The following SH3BP5 variants were observed in gnomAD, a reference collection of about 807,000 sequenced individuals.
The protein encoded by SH3BP5 is SH3 domain-binding protein 5.
Under a neutral mutation model 43.3 loss-of-function variants are expected in SH3BP5, and 22 were observed. That is an observed-to-expected ratio of 0.51 (90% CI 0.36 to 0.73). The LOEUF (loss-of-function observed/expected upper bound fraction) is 0.73. SH3BP5 is among the 30% of genes least tolerant of loss of function. SH3BP5 has a pLI of 0.00. For synonymous variants in SH3BP5, 255 were observed against 225.8 expected (o/e 1.13, Z -1.16); for missense variants, 529 against 586.9 (o/e 0.90, Z 1.02).
At position 15,254,825 on chromosome 3, in the gene SH3BP5, C is replaced by CTTAT. The variant is rs1321776153; in HGVS notation, c.*1257_*1260dup. 2.0e-5 allele frequency: 3 copies of CTTAT among 152,250 alleles called. No individual in the cohort carries two copies. Among genetic ancestry groups the CTTAT allele is most frequent in the Admixed American group, 2.0e-4 (3 of 15,296 alleles). The allele number at this position is 152,250 out of a possible 1,614,324, so 9.4% of individuals were successfully genotyped here. A position where few individuals can be genotyped will look rare whatever the true frequency, so the allele number is the denominator to read the frequency against. On this transcript the variant is annotated 3_prime_UTR_variant, in exon 9 of 9. Coordinates refer to ENST00000383791, the MANE Select transcript of SH3BP5 (RefSeq NM_004844.5). ...GAAGATTTAGGCAATACTGGGAGTT[C>CTTAT]TTATTTGAAGTCACAGAAAGGAGAA...
At chr3:15,321,811 C>T (rs1364066621) in intron 2 of SH3BP5, among the ~76,000 whole-genome samples, 3 of 112,026 alleles carry the variant, frequency 2.7e-5, no homozygotes, top group Non-Finnish European at 4.3e-5. Flanking sequence ...CATCAAATTG[C>T]CAAAAAAAAA....
chr3:15,258,409 A>T (rs1696303640), intron 7 of SH3BP5: 1 of 210,718 alleles, frequency 4.7e-6, no homozygotes, highest in African/African-American at 2.3e-5. Flanking sequence ...GATAGTATAC[A>T]GTAGATAGCG....
At chr3:15,337,798 C>CT (rs1339867962) in intron 1 of SH3BP5, among the ~76,000 whole-genome samples, 2 of 150,678 alleles carry the variant, frequency 1.3e-5, no homozygotes, top group East Asian at 3.9e-4. Flanking sequence ...ACCTATAGTC[C>CT]TAACTACCCA....
At chr3:15,321,410 T>C in intron 2 of SH3BP5, among the ~76,000 whole-genome samples, 1 of 152,184 alleles carries the variant, frequency 6.6e-6, no homozygotes, top group East Asian at 1.9e-4. Context: ...ACATCAGGTT[T>C]TATCTACAAT....
chr3:15,315,075 G>A (rs754257397), intron 2 of SH3BP5, among the ~76,000 whole-genome samples: 3 of 152,116 alleles, frequency 2.0e-5, no homozygotes, highest in Non-Finnish European at 2.9e-5. Context: ...GAGATGGCCC[G>A]GGTTCCTGAT....
At chr3:15,292,730 C>T (rs977958875) in intron 3 of SH3BP5, among the ~76,000 whole-genome samples, 20 of 152,120 alleles carry the variant, frequency 1.3e-4, no homozygotes, top group Admixed American at 3.3e-4. Context: ...TGCCTGTAAT[C>T]GCAGCTACTC....
chr3:15,257,846 T>C (rs778333962), intron 7 of SH3BP5, among the ~76,000 whole-genome samples: 4 of 152,162 alleles, frequency 2.6e-5, no homozygotes, highest in Non-Finnish European at 5.9e-5. Flanking sequence ...TTCCCCCCCT[T>C]TCTCTTTAAA....
At chr3:15,336,867 G>C (rs1421245923), upstream of SH3BP5, among the ~76,000 whole-genome samples, 1 of 151,994 alleles carries the variant, frequency 6.6e-6, no homozygotes, top group African/African-American at 2.4e-5. Context: ...ATCTAGCTTA[G>C]ATTCCATTGT....
rs558875582 is a variant in SH3BP5, at chr3:15,305,132, T to A, written c.202-901A>T. 1.3e-3 allele frequency among the ~76,000 whole-genome samples: 182 copies of A among 145,188 alleles called. 1 individual carries two copies. Among genetic ancestry groups the A allele is most frequent in the African/African-American group, 4.8e-3 (171 of 35,584 alleles). ...ACACTGTCTCAAAAAAAAAAAAAAT[T>A]AATTCATTATATTTAAAATTTTTTA... On this transcript the variant is annotated intron_variant, in intron 2 of 8. Coordinates refer to ENST00000383791, the MANE Select transcript of SH3BP5 (RefSeq NM_004844.5).
chr3:15,303,967 G>C, intron 3 of SH3BP5, 136 bp downstream of exon 3: 1 of 686,958 alleles, frequency 1.5e-6, no homozygotes, highest in Non-Finnish European at 2.5e-6. Context: ...GCAGATTGCG[G>C]GGCGGTGGGT....
At chr3:15,293,844 G>A (rs568399316) in intron 3 of SH3BP5, among the ~76,000 whole-genome samples, 10 of 152,140 alleles carry the variant, frequency 6.6e-5, no homozygotes, top group East Asian at 3.9e-4. Flanking sequence ...TTGGGAGGCC[G>A]AGGCAGGCGG....
At chr3:15,331,604 T>A (rs146070979) in intron 1 of SH3BP5, among the ~76,000 whole-genome samples, 349 of 152,302 alleles carry the variant, frequency 2.3e-3, no homozygotes, top group African/African-American at 7.5e-3. Context: ...CCTCGCCGCC[T>A]CCACGCGTCA....
upstream of SH3BP5, among the ~76,000 whole-genome samples, chr3:15,336,371 G>A (rs1698701022): frequency 6.6e-6 from 1 of 152,166 alleles, no homozygotes; most frequent in African/African-American, 2.4e-5. Context: ...TCATGGTAAG[G>A]AATTTGGATT....
intron 3 of SH3BP5, among the ~76,000 whole-genome samples, chr3:15,289,106 C>T (rs1697341250): frequency 6.6e-6 from 1 of 152,144 alleles, no homozygotes; most frequent in South Asian, 2.1e-4. Context: ...TAACTTAAGC[C>T]CACCTTTAAC....
chr3:15,297,354 G>C (rs1287641), intron 3 of SH3BP5, among the ~76,000 whole-genome samples: 58,605 of 152,032 alleles, frequency 0.39, 13,912 homozygotes, highest in Non-Finnish European at 0.53. Flanking sequence ...TCCCAGCCAG[G>C]AGAGGCCTGT....
At chr3:15,278,140 C>G (rs1404443689) in intron 3 of SH3BP5, among the ~76,000 whole-genome samples, 2 of 152,256 alleles carry the variant, frequency 1.3e-5, no homozygotes, top group Non-Finnish European at 2.9e-5. Context: ...TAGGAAGCCT[C>G]TGTCCTTTTT....
intron 3 of SH3BP5, among the ~76,000 whole-genome samples, chr3:15,288,010 G>A (rs1036087203): frequency 5.3e-5 from 8 of 152,202 alleles, no homozygotes; most frequent in African/African-American, 1.4e-4. Context: ...GAACTGGCTC[G>A]TGCAATTATG....
rs1419409220 is a variant in SH3BP5, at chr3:15,269,759, T to TGCC, written c.446_448dup (p.Arg149dup). 1.2e-6 allele frequency: 2 copies of TGCC among 1,611,852 alleles called. No homozygotes were observed. The highest frequency in any genetic ancestry group is 1.7e-6 in the Non-Finnish European group (2 of 1,178,716). On this transcript the variant is annotated inframe_insertion, in exon 4 of 9. Transcript: ENST00000383791. Reference sequence around the variant, plus strand: ...CATCTCCTGCCAGGCGGAGTCGAACTGCCGCTTGTCATCCTCCAGCAGCCG... The same window carrying TGCC: ...CATCTCCTGCCAGGCGGAGTCGAACTGCCGCCGCTTGTCATCCTCCAGCAGCCG...
chr3:15,256,258 T>G lies in SH3BP5; in HGVS notation c.1196A>C (p.Asn399Thr), dbSNP rs1696194358. The G allele has an allele frequency of 6.2e-7, 1 of 1,614,136 alleles. No homozygotes were observed. The highest frequency in any genetic ancestry group is 1.3e-5 in the African/African-American group (1 of 74,938). The change falls in exon 9 of 9, where the codon AAC (asparagine) becomes ACC (threonine). Residue 399 changes from asparagine (N) to threonine (T), a missense_variant. By Grantham distance (65) the Asn-to-Thr change is moderately conservative. Transcript: ENST00000383791. ...GCTACTGCTGAGGCCCCGGTTGTTG[T>G]TGGCTTTGTCACTTGTTTTATTCTC... Reference protein sequence around the residue: ...GAENKTSDKANNNRGLSSSSG... With the variant: ...GAENKTSDKATNNRGLSSSSG...
Sources: gnomAD v4.1 joint callset for allele counts (sites outside exome capture counted in the v4.1 genomes callset) on GRCh38, gnomAD v4.1.1 for gene constraint, MANE v1.5 for transcripts, NCBI Gene and HGNC (gene_info 2026-07-23, HGNC 2026-07-21) for gene names.